The following DLGAP1 variants were observed in gnomAD, a reference collection of about 807,000 sequenced individuals.
The protein encoded by DLGAP1 is DLG associated protein 1.
DLGAP1 carries 11 observed loss-of-function variants against 90.8 expected under a neutral mutation model. The observed-to-expected ratio is 0.12, with a 90% CI of 0.08 to 0.20. The LOEUF is 0.20. Ranked by LOEUF, DLGAP1 falls within the 10% of genes least tolerant of loss-of-function variation. The probability of loss-of-function intolerance (pLI) is 1.00; values close to 1 mark genes in which losing one functional copy is unlikely to be tolerated. For missense variants in DLGAP1, 1,050 were observed against 1,333.8 expected, an observed-to-expected ratio of 0.79 and a Z score of 3.31; for synonymous variants, 558 against 540.7, an observed-to-expected ratio of 1.03 and a Z score of -0.44.
rs59236620 is a variant in DLGAP1 at position 3,557,179 on chromosome 18, A to G, written c.2057+10311T>C. On this transcript the variant is annotated intron_variant, in intron 9 of 12. Coordinates refer to ENST00000315677, the MANE Select transcript of DLGAP1 (RefSeq NM_004746.4). Reference sequence around the variant, plus strand: ...TTTTCTAATACATGCAATCAATGCTATAACTGTCCCTCTAACCACTGCTTT... The same window carrying G: ...TTTTCTAATACATGCAATCAATGCTGTAACTGTCCCTCTAACCACTGCTTT... Among the ~76,000 whole-genome samples the G allele has an allele frequency of 3.9e-5, 6 of 152,306 alleles. No individual in the cohort carries two copies. In the East Asian group the frequency reaches 1.2e-3, roughly 29 times the overall value.
At chr18:3,752,611 T>C (rs1289653302) in intron 5 of DLGAP1, among the ~76,000 whole-genome samples, 1 of 139,008 alleles carries the variant, frequency 7.2e-6, no homozygotes, top group Non-Finnish European at 1.5e-5. Context: ...ACTCTCTCTC[T>C]TTCTCCCTCT....
chr18:3,499,001 C>T lies in DLGAP1; in HGVS notation c.*184G>A, dbSNP rs963228995. 11 of 562,500 alleles carry T rather than the reference C, an allele frequency of 2.0e-5. No homozygotes were observed. Among genetic ancestry groups the T allele is most frequent in the African/African-American group, 4.3e-5 (2 of 46,006 alleles). 34.8% of individuals were successfully genotyped at this position (562,500 alleles called of 1,614,324 possible). On this transcript the variant is annotated 3_prime_UTR_variant, in exon 13 of 13. Coordinates refer to ENST00000315677, the MANE Select transcript of DLGAP1 (RefSeq NM_004746.4). The surrounding 1 kb of genome is among the most constrained non-coding windows in gnomAD (Gnocchi z 6.4). ...GAAGAAGGAGATGGGCAAACGGGTA[C>T]GGGAAGTGGGGGGCTGAGGGGGGCC...
intron 2 of DLGAP1, among the ~76,000 whole-genome samples, chr18:4,032,475 C>G (rs1212089480): frequency 6.6e-6 from 1 of 152,158 alleles, no homozygotes; most frequent in Non-Finnish European, 1.5e-5. Flanking sequence ...CATAACAAAG[C>G]TAAGTCCAGG....
At chr18:3,945,475 T>C (rs1430294333) in intron 3 of DLGAP1, among the ~76,000 whole-genome samples, 1 of 152,320 alleles carries the variant, frequency 6.6e-6, no homozygotes, top group East Asian at 1.9e-4. Flanking sequence ...AGAAGTATCA[T>C]TGAGTGGTAC....
intron 1 of DLGAP1, among the ~76,000 whole-genome samples, chr18:4,418,724 C>G (rs931628233): frequency 6.6e-6 from 1 of 151,872 alleles, no homozygotes. Context: ...GAAAAAATAT[C>G]AAATGGTCTA....
chr18:3,659,989 G>C (rs114826098), intron 7 of DLGAP1, among the ~76,000 whole-genome samples: 1 of 151,968 alleles, frequency 6.6e-6, no homozygotes, highest in Non-Finnish European at 1.5e-5. Context: ...GTGTACTTGC[G>C]GCTCGCTCCC....
At chr18:3,864,155 T>C (rs961761424) in intron 4 of DLGAP1, among the ~76,000 whole-genome samples, 3 of 152,158 alleles carry the variant, frequency 2.0e-5, no homozygotes, top group Non-Finnish European at 4.4e-5. Context: ...TATTATAAAA[T>C]CATTTAACAG....
At chr18:4,143,986 A>T (rs2076538247) in intron 2 of DLGAP1, among the ~76,000 whole-genome samples, 1 of 152,122 alleles carries the variant, frequency 6.6e-6, no homozygotes, top group Admixed American at 6.5e-5. Flanking sequence ...AAGATGCAAG[A>T]CAAAGTCCTC....
chr18:4,247,357 C>T (rs2078673482), intron 1 of DLGAP1, among the ~76,000 whole-genome samples: 1 of 152,190 alleles, frequency 6.6e-6, no homozygotes, highest in Non-Finnish European at 1.5e-5. Flanking sequence ...CTGAGTTCAC[C>T]TGGCTAGTAA....
chr18:3,915,023 A>G (rs1052025216), intron 3 of DLGAP1, among the ~76,000 whole-genome samples: 3 of 152,202 alleles, frequency 2.0e-5, no homozygotes, highest in African/African-American at 7.2e-5. Flanking sequence ...GATTATAAAC[A>G]TGAGCCACCA....
At chr18:4,266,482 G>C (rs977901741) in intron 1 of DLGAP1, among the ~76,000 whole-genome samples, 1 of 152,220 alleles carries the variant, frequency 6.6e-6, no homozygotes, top group African/African-American at 2.4e-5. Flanking sequence ...GGAGCACAGA[G>C]CATAGGTATC....
At chr18:3,874,707 G>T (rs375283433) in intron 4 of DLGAP1, 1 of 1,534,038 alleles carries the variant, frequency 6.5e-7, no homozygotes, top group South Asian at 1.2e-5. Context: ...TCAAATCCAT[G>T]TTCCTGCTCC....
At chr18:3,623,558 C>T (rs577102427) in intron 7 of DLGAP1, among the ~76,000 whole-genome samples, 25 of 152,118 alleles carry the variant, frequency 1.6e-4, no homozygotes, top group Admixed American at 3.9e-4. Flanking sequence ...GAGGCTGAGG[C>T]GGGCGGATCA....
At chr18:3,643,662 C>CAAAAAAAAA (rs538678987) in intron 7 of DLGAP1, among the ~76,000 whole-genome samples, 2 of 65,022 alleles carry the variant, frequency 3.1e-5, no homozygotes, top group South Asian at 6.1e-4. Flanking sequence ...GACTCCATCT[C>CAAAAAAAAA]AAAAAAAAAA....
At chr18:3,874,137 AAG>A (rs1193412843) in intron 4 of DLGAP1, 1 of 1,549,804 alleles carries the variant, frequency 6.5e-7, no homozygotes, top group Non-Finnish European at 8.7e-7. Context: ...AAAGTAATAA[AAG>A]AGTTATACCC....
At chr18:3,745,859 T>C (rs1026114188) in intron 5 of DLGAP1, among the ~76,000 whole-genome samples, 3 of 151,966 alleles carry the variant, frequency 2.0e-5, no homozygotes, top group South Asian at 4.1e-4. Context: ...CCAGCTAATT[T>C]TTGTATTTTT....
Position 3,835,268 on chromosome 18 carries a change from G to A in DLGAP1, c.958-20995C>T, listed in dbSNP as rs116396554. ...GGGTTCTTTAAAAAAATACCCTTTG[G>A]AGAAAGAAGCAGAACACTAATGCCA... On this transcript the variant is annotated intron_variant, in intron 4 of 12. Coordinates refer to ENST00000315677, the MANE Select transcript of DLGAP1 (RefSeq NM_004746.4). Among the ~76,000 whole-genome samples, 701 of 152,240 alleles carry A rather than the reference G, an allele frequency of 4.6e-3. 11 individuals are homozygous for A. Among genetic ancestry groups the A allele is most frequent in the African/African-American group, 0.016 (676 of 41,536 alleles).
chr18:3,855,680 C>T (rs1361553330), intron 4 of DLGAP1, among the ~76,000 whole-genome samples: 1 of 152,046 alleles, frequency 6.6e-6, no homozygotes, highest in East Asian at 1.9e-4. Context: ...ATGGCATGGT[C>T]TCGGCTCACT....
At chr18:4,215,045 G>A (rs2077924199) in intron 1 of DLGAP1, among the ~76,000 whole-genome samples, 1 of 152,064 alleles carries the variant, frequency 6.6e-6, no homozygotes, top group African/African-American at 2.4e-5. Flanking sequence ...TTATTTTACT[G>A]TAGTATCAAA....
Sources: gnomAD v4.1 joint callset for allele counts (sites outside exome capture counted in the v4.1 genomes callset) on GRCh38, gnomAD v4.1.1 for gene constraint, Gnocchi (gnomAD v3.1) non-coding constraint, MANE v1.5 for transcripts, NCBI Gene and HGNC (gene_info 2026-07-23, HGNC 2026-07-21) for gene names.